The following RPTOR variants were observed in gnomAD, a reference collection of about 807,000 sequenced individuals.
The protein encoded by RPTOR is regulatory associated protein of MTOR complex 1.
A neutral mutation model predicts 169.9 loss-of-function variants in RPTOR; 21 were observed. The ratio of observed to expected loss-of-function variants is 0.12; its 90% CI spans 0.09 to 0.18. RPTOR has a LOEUF of 0.18. RPTOR is among the 10% of genes least tolerant of loss of function. The pLI, the probability that RPTOR is intolerant of heterozygous loss-of-function variation, is 1.00. For synonymous variants in RPTOR, 732 were observed against 753.2 expected, an observed-to-expected ratio of 0.97 and a Z score of 0.46; for missense variants, 1,133 against 1,855.9, an observed-to-expected ratio of 0.61 and a Z score of 7.16.
chr17:80,904,750 C>T (rs573467873), intron 20 of RPTOR, among the ~76,000 whole-genome samples: 3 of 152,100 alleles, frequency 2.0e-5, no homozygotes, highest in African/African-American at 7.2e-5. Flanking sequence ...TGGGGACTGG[C>T]AGATTTTACA....
chr17:80,956,138 C>T (rs1287090306), intron 28 of RPTOR, among the ~76,000 whole-genome samples: 4 of 152,088 alleles, frequency 2.6e-5, no homozygotes, highest in South Asian at 2.1e-4. Flanking sequence ...CCCTGGGAGG[C>T]GCCCTCAGCC....
intron 31 of RPTOR, 146 bp downstream of exon 31, chr17:80,961,626 G>A (rs1476743812): frequency 2.1e-6 from 2 of 947,694 alleles, no homozygotes; most frequent in East Asian, 2.7e-5. Context: ...TGGCCAGAAA[G>A]ATCAGGCGCA....
chr17:80,732,301 A>G (rs2066399344), intron 5 of RPTOR, among the ~76,000 whole-genome samples: 2 of 152,234 alleles, frequency 1.3e-5, no homozygotes, highest in South Asian at 2.1e-4. Context: ...TAATTAAAAC[A>G]TGTTAAATAG....
intron 18 of RPTOR, 90 bp downstream of exon 18, chr17:80,891,927 T>G (rs1281111949): frequency 1.2e-5 from 10 of 814,118 alleles, no homozygotes; most frequent in Middle Eastern, 3.5e-4. Context: ...CCTCGCAGAG[T>G]CTAAGCGCAG....
chr17:80,744,109 C>CCCTGGTTGCTAGCACTGT (rs2066530476), intron 5 of RPTOR, among the ~76,000 whole-genome samples: 1 of 24,850 alleles, frequency 4.0e-5, no homozygotes. Flanking sequence ...ACTAGCACAG[C>CCCTGGTTGCTAGCACTGT]CCTGGTTACT....
In RPTOR at chr17:80,563,551, C is replaced by G. The variant is rs146673003; in HGVS notation, c.162+17760C>G. 7.3e-3 allele frequency among the ~76,000 whole-genome samples: 685 copies of G among 93,872 alleles called. 4 individuals carry two copies. Among genetic ancestry groups the G allele is most frequent in the Admixed American group, 0.013 (72 of 5,548 alleles). The allele number at this position is 93,872 out of a possible 152,430, so 61.6% of individuals were successfully genotyped here. On this transcript the variant is annotated intron_variant, in intron 1 of 33. Coordinates refer to ENST00000306801, the MANE Select transcript of RPTOR (RefSeq NM_020761.3). ...CTGCATTTCAGCCTGGATAACACAG[C>G]GAGACTAAGTCTCCAAAAAAAAAAA...
intron 1 of RPTOR, among the ~76,000 whole-genome samples, chr17:80,574,596 A>T (rs925854465): frequency 4.6e-5 from 7 of 152,074 alleles, no homozygotes; most frequent in Non-Finnish European, 8.8e-5. Flanking sequence ...TTTAAAGTCA[A>T]TGGGACTGTA....
At chr17:80,684,402 A>G (rs984178499) in intron 3 of RPTOR, among the ~76,000 whole-genome samples, 3 of 131,020 alleles carry the variant, frequency 2.3e-5, no homozygotes, top group African/African-American at 5.7e-5. Flanking sequence ...AAGGAGATAC[A>G]TGTTTATTTA....
In RPTOR at chr17:80,709,203, G is replaced by A. The variant is rs964839287; in HGVS notation, c.507+1204G>A. On this transcript the variant is annotated intron_variant, in intron 4 of 33. Coordinates refer to ENST00000306801, the MANE Select transcript of RPTOR (RefSeq NM_020761.3). ...TACCAGCTTGATTTTAATTCCTTTC[G>A]TTAAATATTGAGTAAATTCAAAACG... The A allele has an allele frequency of 4.0e-5, 20 of 500,058 alleles. 1 individual carries two copies. The highest frequency in any genetic ancestry group is 1.9e-4 in the Admixed American group (3 of 15,680). The allele number at this position is 500,058 out of a possible 1,614,324, so 31.0% of individuals were successfully genotyped here. A position where few individuals can be genotyped will look rare whatever the true frequency, so the allele number is the denominator to read the frequency against.
intron 3 of RPTOR, among the ~76,000 whole-genome samples, chr17:80,702,621 T>A (rs1436670148): frequency 1.3e-5 from 2 of 152,238 alleles, no homozygotes; most frequent in African/African-American, 4.8e-5. Context: ...ATTATTAATA[T>A]CTGTGGCGCC....
Position 80,949,018 on chromosome 17 carries a change from C to T in RPTOR, c.3266-425C>T, listed in dbSNP as rs117573563. 8.5e-5 allele frequency among the ~76,000 whole-genome samples: 13 copies of T among 152,266 alleles called. No homozygotes were observed. The East Asian group carries it at 2.3e-3, about 27-fold the overall frequency. On this transcript the variant is annotated intron_variant, in intron 27 of 33. Coordinates refer to ENST00000306801, the MANE Select transcript of RPTOR (RefSeq NM_020761.3). ...GGTGTCCTCTGTGAAGCTGGCCTTT[C>T]GTTCTGCTCCCTGGCACAGGCTGGC...
At chr17:80,576,342 A>T (rs7212660) in intron 1 of RPTOR, among the ~76,000 whole-genome samples, 8,521 of 152,196 alleles carry the variant, frequency 0.056, 806 homozygotes, top group African/African-American at 0.2. Context: ...TTCTCTTGTA[A>T]TGGTTTCTTA....
intron 20 of RPTOR, among the ~76,000 whole-genome samples, chr17:80,904,713 C>T (rs1216627453): frequency 2.0e-5 from 3 of 152,074 alleles, no homozygotes; most frequent in Non-Finnish European, 2.9e-5. Flanking sequence ...GACTCGAATC[C>T]GATGGGAAGT....
At chr17:80,674,891 G>C (rs1317870593) in intron 3 of RPTOR, among the ~76,000 whole-genome samples, 1 of 150,340 alleles carries the variant, frequency 6.7e-6, no homozygotes, top group Non-Finnish European at 1.5e-5. Flanking sequence ...CACCCATCTT[G>C]GGATATGATC....
intron 3 of RPTOR, among the ~76,000 whole-genome samples, chr17:80,683,059 C>T (rs971774145): frequency 1.3e-5 from 2 of 152,222 alleles, no homozygotes; most frequent in Non-Finnish European, 2.9e-5. Flanking sequence ...GCCTTGGCCT[C>T]CTAGACTGCT....
At chr17:80,912,202 C>T (rs1463996715) in intron 21 of RPTOR, among the ~76,000 whole-genome samples, 2 of 152,166 alleles carry the variant, frequency 1.3e-5, no homozygotes, top group East Asian at 1.9e-4. Flanking sequence ...ATGGCCAGTT[C>T]GCGTCTCTGC....
chr17:80,921,007 T>C (rs1466510878), intron 21 of RPTOR, among the ~76,000 whole-genome samples: 1 of 152,232 alleles, frequency 6.6e-6, no homozygotes, highest in East Asian at 1.9e-4. Context: ...GGAACGTTGC[T>C]TAAAGACAAG....
rs1034202634 is a variant in RPTOR, at chr17:80,900,096, G to A, written c.2401+6231G>A. 5.3e-5 allele frequency among the ~76,000 whole-genome samples: 8 copies of A among 152,226 alleles called. No individual in the cohort carries two copies. In the South Asian group the frequency reaches 8.3e-4, roughly 16 times the overall value. On this transcript the variant is annotated intron_variant, in intron 20 of 33. Transcript: ENST00000306801. ...CCCACCCCTCCCTGCAGAAGTGGGC[G>A]TCCTCCCTCTGCAGCCAAGGGGACC...
At chr17:80,813,827 T>A (rs1396145852) in intron 7 of RPTOR, among the ~76,000 whole-genome samples, 2 of 152,208 alleles carry the variant, frequency 1.3e-5, no homozygotes, top group African/African-American at 2.4e-5. Flanking sequence ...TGAGATGATA[T>A]AAATTTTTAA....
Sources: gnomAD v4.1 joint callset for allele counts (sites outside exome capture counted in the v4.1 genomes callset) on GRCh38, gnomAD v4.1.1 for gene constraint, MANE v1.5 for transcripts, NCBI Gene and HGNC (gene_info 2026-07-23, HGNC 2026-07-21) for gene names.